Variants in PRKD3 observed in about 807,000 individuals in gnomAD.
PRKD3 encodes protein kinase D3, also known as serine/threonine-protein kinase D3.
Under a neutral mutation model 99.2 loss-of-function variants are expected in PRKD3, and 47 were observed. The ratio of observed to expected loss-of-function variants is 0.47; its 90% confidence interval spans 0.38 to 0.60. The LOEUF (loss-of-function observed/expected upper bound fraction) is 0.60, where lower values mean the gene tolerates loss of function less well. PRKD3 is among the 20% of genes least tolerant of loss of function. The probability of loss-of-function intolerance (pLI) is 0.00; values close to 1 mark genes in which losing one functional copy is unlikely to be tolerated. For missense variants in PRKD3, 1,019 were observed against 1,088.4 expected, an observed-to-expected ratio of 0.94 and a Z score of 0.90; for synonymous variants, 392 against 355.4, an observed-to-expected ratio of 1.10 and a Z score of -1.16.
At chr2:37,259,027 T>C (rs1388766280) in intron 16 of PRKD3, among the ~76,000 whole-genome samples, 1 of 147,998 alleles carries the variant, frequency 6.8e-6, no homozygotes, top group African/African-American at 2.5e-5. Context: ...ATGCAATAAA[T>C]TTAGTGGATC....
chr2:37,263,685 T>G (rs1668631554), intron 14 of PRKD3, among the ~76,000 whole-genome samples: 1 of 152,180 alleles, frequency 6.6e-6, no homozygotes, highest in South Asian at 2.1e-4. Flanking sequence ...GCTTTTTGTT[T>G]GGAGAAGGGA....
At chr2:37,319,677 T>A (rs1158219) in intron 1 of PRKD3, among the ~76,000 whole-genome samples, 49,620 of 151,450 alleles carry the variant, frequency 0.33, 8,853 homozygotes, top group East Asian at 0.43. Context: ...TCAGCATCCG[T>A]CTGTATACTC....
chr2:37,261,135 A>T (rs374341980), intron 14 of PRKD3, among the ~76,000 whole-genome samples: 1 of 152,208 alleles, frequency 6.6e-6, no homozygotes, highest in East Asian at 1.9e-4. Context: ...CTTCCAATTT[A>T]ATCTTAAATA....
At chr2:37,308,043 CCTAAA>C (rs1187178121) in intron 2 of PRKD3, among the ~76,000 whole-genome samples, 3 of 152,320 alleles carry the variant, frequency 2.0e-5, no homozygotes, top group Non-Finnish European at 4.4e-5. Flanking sequence ...TAACACGATA[CCTAAA>C]CTATATTTTA....
At chr2:37,265,133 C>T (rs1228561342) in intron 14 of PRKD3, among the ~76,000 whole-genome samples, 1 of 147,808 alleles carries the variant, frequency 6.8e-6, no homozygotes, top group African/African-American at 2.7e-5. Context: ...GTTCAGACAG[C>T]CTTTCAGGTT....
At chr2:37,284,427 T>A (rs751527546) in intron 6 of PRKD3, among the ~76,000 whole-genome samples, 1 of 152,162 alleles carries the variant, frequency 6.6e-6, no homozygotes, top group Non-Finnish European at 1.5e-5. Flanking sequence ...TTTATTTTAG[T>A]TCCTCTACAA....
At position 37,267,524 on chromosome 2, in the gene PRKD3, T is replaced by C. The variant is rs780940920; in HGVS notation, c.1790A>G (p.Lys597Arg). The change falls in exon 14 of 19, where the codon AAG becomes AGG. Residue 597 changes from lysine to arginine, a missense_variant. Lys to Arg is a conservative substitution (Grantham distance 26). Around this residue, in one of 3 missense-constraint regions of PRKD3, gnomAD observed 184 missense variants for 275.1 expected, o/e 0.67. Transcript: ENST00000234179. The stretch of plus-strand genomic sequence containing the variant: ...TTTAATAGCCACATCCCTCCCAGTC[T>C]TTCTATGTTTTCCTATTAAGAAAAA... ...FGIVYGGKHR[K>R]TGRDVAIKVI... 1 of 1,604,034 alleles carries C rather than the reference T, an allele frequency of 6.2e-7. No homozygotes were observed. The highest frequency in any genetic ancestry group is 1.1e-5 in the South Asian group (1 of 89,390).
In PRKD3 at chr2:37,290,917, G is replaced by C; in HGVS notation, c.510C>G (p.Tyr170Ter). The C allele has an allele frequency of 6.2e-7, 1 of 1,603,860 alleles. No homozygotes were observed. The highest frequency in any genetic ancestry group is 8.5e-7 in the Non-Finnish European group (1 of 1,170,662). ...HSYKAPTFCDYCGEMLWGLVR... is the reference protein window; with the variant it reads ...HSYKAPTFCD ...CCAATCCCCAGAGCATCTCACCACA[G>C]TAATCACAGAAAGTAGGAGCTTTGT... The change falls in exon 4 of 19, where the codon TAC becomes TAG. Residue 170 changes from tyrosine to a stop codon, truncating the protein, a stop_gained. Coordinates refer to ENST00000234179, the MANE Select transcript of PRKD3 (RefSeq NM_005813.6). LOFTEE classifies it high-confidence loss of function.
chr2:37,317,331 G>A (rs1228047754), intron 1 of PRKD3, among the ~76,000 whole-genome samples, 152 bp from the exon 2 acceptor site: 3 of 152,086 alleles, frequency 2.0e-5, no homozygotes, highest in African/African-American at 7.2e-5. Flanking sequence ...TGGCTAGTTA[G>A]CAAAGACTTT....
Position 37,257,087 on chromosome 2 carries a change from C to A in PRKD3, c.2146-158G>T, listed in dbSNP as rs182431514. The stretch of plus-strand genomic sequence containing the variant: ...TAAGGAAATTGTAAAATATCCTTTT[C>A]TCAAAAGGCAGACACATTTATAGCC... On this transcript the variant is annotated intron_variant, in intron 16 of 18. Transcript: ENST00000234179. 4.7e-3 allele frequency among the ~76,000 whole-genome samples: 721 copies of A among 152,224 alleles called. 3 individuals carry two copies. Among genetic ancestry groups the A allele is most frequent in the Non-Finnish European group, 8.6e-3 (583 of 68,008 alleles).
rs371570212 is a variant in PRKD3 at position 37,316,148 on chromosome 2, A to G, written c.288+89T>C. On this transcript the variant is annotated intron_variant, in intron 2 of 18. Coordinates refer to ENST00000234179, the MANE Select transcript of PRKD3 (RefSeq NM_005813.6). ...GCACAGAATAAACTACTGATGGATC[A>G]GTATGTCTTAACTCACTGGTACACG... The G allele has an allele frequency of 2.1e-4, 267 of 1,286,406 alleles. No individual in the cohort carries two copies. The East Asian group carries it at 5.6e-3, about 27-fold the overall frequency. 79.7% of individuals were successfully genotyped at this position (1,286,406 alleles called of 1,614,324 possible).
chr2:37,278,974 G>A (rs1296623795), intron 8 of PRKD3: 2 of 151,616 alleles, frequency 1.3e-5, no homozygotes, highest in Admixed American at 6.6e-5. Flanking sequence ...AACTAGCTGG[G>A]TTCTGGAATA....
chr2:37,254,332 A>C, intron 17 of PRKD3, 43 bp from the exon 18 acceptor site: 1 of 1,469,998 alleles, frequency 6.8e-7, no homozygotes, highest in South Asian at 1.1e-5. Context: ...TTGGGTGCAC[A>C]GAGTACCCCA....
At chr2:37,292,460 C>T (rs905592532) in intron 3 of PRKD3, among the ~76,000 whole-genome samples, 21 of 151,956 alleles carry the variant, frequency 1.4e-4, no homozygotes, top group Admixed American at 1.2e-3. Flanking sequence ...ATTCTCCTGC[C>T]TGAGCCTCCC....
chr2:37,265,719 T>C (rs985871471), intron 14 of PRKD3, among the ~76,000 whole-genome samples: 5 of 152,188 alleles, frequency 3.3e-5, no homozygotes, highest in African/African-American at 9.7e-5. Context: ...ACAACAAAGA[T>C]AGTCTTGTAT....
intron 1 of PRKD3, among the ~76,000 whole-genome samples, chr2:37,321,902 A>T (rs982419738): frequency 6.6e-6 from 1 of 152,236 alleles, no homozygotes; most frequent in African/African-American, 2.4e-5. Flanking sequence ...TTCAAAAAGA[A>T]GTTCATTATT....
chr2:37,321,750 G>A (rs1020178502), intron 1 of PRKD3, among the ~76,000 whole-genome samples: 1 of 152,148 alleles, frequency 6.6e-6, no homozygotes, highest in African/African-American at 2.4e-5. Flanking sequence ...ATACTAAGGG[G>A]ACTCAATTCC....
intron 1 of PRKD3, chr2:37,324,238 G>T: frequency 2.0e-6 from 2 of 985,456 alleles, no homozygotes; most frequent in Non-Finnish European, 2.4e-6. Context: ...GAAATGAAAC[G>T]AAAAAGCTGG....
intron 2 of PRKD3, among the ~76,000 whole-genome samples, chr2:37,309,995 A>G (rs1399695298): frequency 6.6e-6 from 1 of 152,206 alleles, no homozygotes; most frequent in Non-Finnish European, 1.5e-5. Flanking sequence ...ATTAACCTCT[A>G]ATTTTCTGTA....
Sources: allele counts gnomAD v4.1 joint callset (sites outside exome capture counted in the v4.1 genomes callset), GRCh38; gene constraint gnomAD v4.1.1; regional missense constraint gnomAD v4.1.1; transcripts MANE v1.5; gene names NCBI Gene and HGNC (gene_info 2026-07-23, HGNC 2026-07-21).